The following NELL1 variants were observed in gnomAD, a reference collection of about 807,000 sequenced individuals.
The protein encoded by NELL1 is neural EGFL like 1.
In NELL1, 76 loss-of-function variants were observed where a neutral mutation model predicts 107.4. The observed-to-expected ratio is 0.71, with a 90% CI of 0.59 to 0.86. The LOEUF is 0.86. Ranked by LOEUF, NELL1 falls within the 40% of genes least tolerant of loss-of-function variation. The pLI is 0.00. For synonymous variants in NELL1, 353 were observed against 341.2 expected, an observed-to-expected ratio of 1.03 and a Z score of -0.38; for missense variants, 1,024 against 1,005.5, an observed-to-expected ratio of 1.02 and a Z score of -0.25.
rs149198913 is a variant in NELL1 at position 21,474,240 on chromosome 11, G to A, written c.1646-60134G>A. ...CTTCCTCAAAGTTTTTGGATTTCCC[G>A]TATTTTCTGATTGGGGAATTCATCC... is the stretch of plus-strand genomic sequence containing the variant. On this transcript the variant is annotated intron_variant, in intron 15 of 19. Coordinates refer to ENST00000357134, the MANE Select transcript of NELL1 (RefSeq NM_006157.5). 4.4e-3 allele frequency among the ~76,000 whole-genome samples: 675 copies of A among 151,794 alleles called. 14 individuals are homozygous for A. The highest frequency in any genetic ancestry group is 0.036 in the Admixed American group (552 of 15,226).
At chr11:20,765,377 C>T (rs1283362184) in intron 2 of NELL1, among the ~76,000 whole-genome samples, 2 of 152,120 alleles carry the variant, frequency 1.3e-5, no homozygotes, top group African/African-American at 4.8e-5. Flanking sequence ...CCTTCAGTAC[C>T]TGCTCTTTGT....
rs1213919439 is a variant in NELL1 at position 20,690,502 on chromosome 11, G to A, written c.184+12442G>A. ...ATCCAGTTTCAGCTTTCTACATATG[G>A]CTAGCCAGTTTTCCCAGCACCATTT... is the stretch of plus-strand genomic sequence containing the variant. On this transcript the variant is annotated intron_variant, in intron 2 of 19. Transcript: ENST00000357134. Among the ~76,000 whole-genome samples, 916 of 150,512 alleles carry A rather than the reference G, an allele frequency of 6.1e-3. 6 individuals are homozygous for A. Among genetic ancestry groups the A allele is most frequent in the African/African-American group, 0.021 (879 of 41,144 alleles).
chr11:21,466,113 A>G (rs1854023294), intron 15 of NELL1, among the ~76,000 whole-genome samples: 1 of 152,116 alleles, frequency 6.6e-6, no homozygotes, highest in Non-Finnish European at 1.5e-5. Context: ...CCACATAGCT[A>G]ATTAGTGGCA....
intron 14 of NELL1, 113 bp downstream of exon 14, chr11:21,229,567 C>A: frequency 7.1e-7 from 1 of 1,415,076 alleles, no homozygotes. Flanking sequence ...AGGGTTCCTG[C>A]TCCTGGTTTA....
At position 20,714,194 on chromosome 11, in the gene NELL1, A is replaced by ATTTTTT. The variant is rs34441596; in HGVS notation, c.184+36155_184+36160dup. Among the ~76,000 whole-genome samples the ATTTTTT allele has an allele frequency of 2.0e-3, 124 of 61,772 alleles. 14 individuals are homozygous for ATTTTTT. Among genetic ancestry groups the ATTTTTT allele is most frequent in the Non-Finnish European group, 2.8e-3 (99 of 35,370 alleles). The allele number at this position is 61,772 out of a possible 152,430, so 40.5% of individuals were successfully genotyped here. ...CTGTCTCCTATCTGCTATCTCCCCG[A>ATTTTTT]TTTTTTTTTTTTTTTTTTTTTTTTT... On this transcript the variant is annotated intron_variant, in intron 2 of 19. Transcript: ENST00000357134.
At chr11:21,222,987 A>G (rs1443743483) in intron 13 of NELL1, among the ~76,000 whole-genome samples, 3 of 152,130 alleles carry the variant, frequency 2.0e-5, no homozygotes, top group Non-Finnish European at 4.4e-5. Flanking sequence ...AGAATGTTCT[A>G]TGTGCTGATG....
At chr11:20,912,883 A>G (rs1412275587) in intron 5 of NELL1, among the ~76,000 whole-genome samples, 2 of 152,130 alleles carry the variant, frequency 1.3e-5, no homozygotes, top group Non-Finnish European at 2.9e-5. Context: ...TTTTCCTTTC[A>G]TGCAGAAAGT....
intron 12 of NELL1, among the ~76,000 whole-genome samples, chr11:21,060,199 G>C (rs1377914734): frequency 6.6e-6 from 1 of 152,126 alleles, no homozygotes; most frequent in East Asian, 1.9e-4. Flanking sequence ...AACTCCCACA[G>C]CCTGGTCTTG....
At chr11:20,737,203 G>A (rs1024934455) in intron 2 of NELL1, among the ~76,000 whole-genome samples, 9 of 151,964 alleles carry the variant, frequency 5.9e-5, no homozygotes, top group Admixed American at 1.3e-4. Flanking sequence ...AGCCTGGTGT[G>A]AATCCTGCCC....
intron 3 of NELL1, among the ~76,000 whole-genome samples, chr11:20,845,692 A>T (rs1848690620): frequency 6.6e-6 from 1 of 152,208 alleles, no homozygotes; most frequent in African/African-American, 2.4e-5. Context: ...GATGTCTATG[A>T]AAGCACTTGC....
rs115699888 is a variant in NELL1 at position 20,697,095 on chromosome 11, A to T, written c.184+19035A>T. 7.1e-3 allele frequency among the ~76,000 whole-genome samples: 1,074 copies of T among 152,300 alleles called. 8 individuals are homozygous for T. The highest frequency in any genetic ancestry group is 0.025 in the African/African-American group (1,025 of 41,586). ...CAAACTTACAAGGAGGCAACTTTAGACCAAATTTAGCAACAAATTAGCGAT... is the reference window on the plus strand; with the variant it reads ...CAAACTTACAAGGAGGCAACTTTAGTCCAAATTTAGCAACAAATTAGCGAT... On this transcript the variant is annotated intron_variant, in intron 2 of 19. Transcript: ENST00000357134.
intron 12 of NELL1, among the ~76,000 whole-genome samples, chr11:21,062,548 G>T (rs1349337084): frequency 2.0e-5 from 3 of 152,126 alleles, no homozygotes; most frequent in Non-Finnish European, 4.4e-5. Context: ...GTGAACTTTG[G>T]TTCATTTGCC....
At chr11:20,748,917 C>G (rs1423881237) in intron 2 of NELL1, among the ~76,000 whole-genome samples, 2 of 146,138 alleles carry the variant, frequency 1.4e-5, no homozygotes, top group African/African-American at 5.3e-5. Flanking sequence ...GCCACCCATC[C>G]ATCCATCCAT....
intron 2 of NELL1, among the ~76,000 whole-genome samples, chr11:20,746,759 T>C (rs1224386693): frequency 1.3e-5 from 2 of 152,202 alleles, no homozygotes; most frequent in East Asian, 3.8e-4. Context: ...TTTTACATTG[T>C]TTATTTCTCT....
At chr11:21,201,784 A>G (rs1857275656) in intron 13 of NELL1, among the ~76,000 whole-genome samples, 1 of 152,154 alleles carries the variant, frequency 6.6e-6, no homozygotes. Flanking sequence ...AGCTCTTATT[A>G]TTTTGAGATA....
At position 20,918,177 on chromosome 11, in the gene NELL1, T is replaced by A; in HGVS notation, c.604-5T>A. On this transcript the variant is annotated splice_polypyrimidine_tract_variant and splice_region_variant and intron_variant, in intron 5 of 19. Coordinates refer to ENST00000357134, the MANE Select transcript of NELL1 (RefSeq NM_006157.5). ...TGATTGCCACCTGTCTCTTCTATTATCAAGGGGATCATCCAAGATGGGAAG... is the reference window on the plus strand; with the variant it reads ...TGATTGCCACCTGTCTCTTCTATTAACAAGGGGATCATCCAAGATGGGAAG... 1.3e-6 allele frequency: 2 copies of A among 1,562,126 alleles called. No individual in the cohort carries two copies. The highest frequency in any genetic ancestry group is 1.8e-6 in the Non-Finnish European group (2 of 1,133,524).
chr11:21,462,782 T>G (rs989171836), intron 15 of NELL1, among the ~76,000 whole-genome samples: 1 of 151,972 alleles, frequency 6.6e-6, no homozygotes, highest in African/African-American at 2.4e-5. Context: ...CGTAGAAAAA[T>G]AAGCAATTGT....
At chr11:21,052,175 A>C (rs1018372382) in intron 12 of NELL1, among the ~76,000 whole-genome samples, 2 of 152,056 alleles carry the variant, frequency 1.3e-5, no homozygotes, top group African/African-American at 4.8e-5. Flanking sequence ...CCAGGAGACC[A>C]TTATGTCTGG....
intron 7 of NELL1, among the ~76,000 whole-genome samples, chr11:20,926,470 C>A (rs1372008155): frequency 6.6e-6 from 1 of 152,016 alleles, no homozygotes; most frequent in Non-Finnish European, 1.5e-5. Context: ...ATTTCACAGC[C>A]AAAACCATGA....
Sources: allele counts gnomAD v4.1 joint callset (sites outside exome capture counted in the v4.1 genomes callset), GRCh38; gene constraint gnomAD v4.1.1; transcripts MANE v1.5; gene names NCBI Gene and HGNC (gene_info 2026-07-23, HGNC 2026-07-21).